Variants in REV3L observed in about 807,000 individuals in gnomAD.
REV3L encodes DNA polymerase zeta catalytic subunit.
REV3L carries 69 observed loss-of-function variants against 299.4 expected under a neutral mutation model. That is an observed-to-expected ratio of 0.23 (90% CI 0.19 to 0.28). REV3L has a LOEUF of 0.28. Ranked by LOEUF, REV3L falls within the 10% of genes least tolerant of loss-of-function variation. The pLI is 1.00. For synonymous variants in REV3L, 1,238 were observed against 1,271.4 expected (o/e 0.97, Z 0.56); for missense variants, 3,128 against 3,693.8 (o/e 0.85, Z 3.97).
chr6:111,367,011 A>C (rs1408394929), intron 14 of REV3L, 104 bp downstream of exon 14: 5 of 959,872 alleles, frequency 5.2e-6, no homozygotes, highest in Middle Eastern at 2.5e-4. Flanking sequence ...TTGCTGAGCT[A>C]TACCTTCATT....
intron 7 of REV3L, 106 bp from the exon 8 acceptor site, chr6:111,388,191 C>T (rs1781533071): frequency 2.9e-6 from 2 of 701,606 alleles, no homozygotes; most frequent in Non-Finnish European, 2.4e-6. Context: ...CTATCTTTCT[C>T]TAGATATACA....
In REV3L at chr6:111,374,128, T is replaced by C. The variant is rs376857060; in HGVS notation, c.4227A>G (p.Ser1409=). The change falls in exon 13 of 32, where the codon TCA becomes TCG. Residue 1409 remains serine, a synonymous_variant. Coordinates refer to ENST00000368802, the MANE Select transcript of REV3L (RefSeq NM_001372078.1). ...KLSEYRNSLE[S]KLDQAYTPNF... ...TAGGGGTATATGCTTGGTCCAGCTT[T>C]GATTCTAGGGAATTGCGATATTCAC... The C allele has an allele frequency of 6.2e-6, 10 of 1,614,076 alleles. No individual in the cohort carries two copies. The African/African-American group carries it at 1.1e-4, about 17-fold the overall frequency.
intron 1 of REV3L, among the ~76,000 whole-genome samples, chr6:111,480,836 TTG>T (rs1461208360): frequency 5.5e-5 from 8 of 146,446 alleles, no homozygotes; most frequent in African/African-American, 1.8e-4. Context: ...TTTTTCGTTT[TTG>T]TTTTTTTTTT....
chr6:111,412,382 C>T (rs557642648), intron 2 of REV3L: 1 of 393,148 alleles, frequency 2.5e-6, no homozygotes, highest in Non-Finnish European at 3.5e-6. Context: ...ACTCTCACAT[C>T]ATTTCAGGAG....
intron 1 of REV3L, among the ~76,000 whole-genome samples, chr6:111,446,441 C>T (rs544332437): frequency 5.9e-5 from 9 of 152,242 alleles, no homozygotes; most frequent in African/African-American, 1.2e-4. Flanking sequence ...GGCTGGCTCA[C>T]GCTTACAATC....
intron 25 of REV3L, 110 bp downstream of exon 25, chr6:111,329,422 C>A: frequency 2.1e-6 from 2 of 934,300 alleles, no homozygotes; most frequent in Non-Finnish European, 1.7e-6. Context: ...GGGCTGAAGA[C>A]CCCCGCACCA....
At chr6:111,456,886 G>C (rs1562340842) in intron 1 of REV3L, among the ~76,000 whole-genome samples, 2 of 152,024 alleles carry the variant, frequency 1.3e-5, no homozygotes, top group African/African-American at 4.8e-5. Flanking sequence ...GAAGAAACCA[G>C]AATAACTCTC....
In REV3L at chr6:111,381,734, C is replaced by A. The variant is rs548169268; in HGVS notation, c.1097-290G>T. ...ACTCTGATAAAAATCACTGCATATT[C>A]AAATATATAAAGTGAAAAGGAAAGA... On this transcript the variant is annotated intron_variant, in intron 9 of 31. Transcript: ENST00000368802. Among the ~76,000 whole-genome samples the A allele has an allele frequency of 4.6e-5, 7 of 151,980 alleles. No individual in the cohort carries two copies. In the South Asian group the frequency reaches 1.5e-3, roughly 32 times the overall value.
At chr6:111,431,367 C>CA (rs1190758718) in intron 1 of REV3L, 8 of 982,152 alleles carry the variant, frequency 8.1e-6, no homozygotes, top group Admixed American at 3.4e-5. Flanking sequence ...TCCAATACTT[C>CA]AAGACAGGCT....
chr6:111,379,870 C>T lies in REV3L; in HGVS notation c.1454+112G>A. The T allele has an allele frequency of 4.1e-6, 3 of 729,360 alleles. No individual in the cohort carries two copies. The South Asian group carries it at 5.3e-5, about 13-fold the overall frequency. The allele number at this position is 729,360 out of a possible 1,614,324, so 45.2% of individuals were successfully genotyped here. On this transcript the variant is annotated intron_variant, in intron 11 of 31. Transcript: ENST00000368802. ...TCACTAAAGGGGAATTTTAAAACAT[C>T]AATTTAGTTCATAAGGTATTTTATA...
intron 2 of REV3L, 139 bp from the exon 3 acceptor site, chr6:111,411,693 A>C: frequency 1.6e-6 from 1 of 628,544 alleles, no homozygotes; most frequent in Non-Finnish European, 2.7e-6. Flanking sequence ...AACAACTAAA[A>C]AATCCCAAAC....
intron 4 of REV3L, among the ~76,000 whole-genome samples, chr6:111,394,706 A>AT (rs35239605): frequency 0.44 from 61,081 of 139,444 alleles, 14,231 homozygotes; most frequent in Non-Finnish European, 0.54. Context: ...CTGTCCTACA[A>AT]TTTTTTTTTT....
At chr6:111,387,691 T>A (rs895245863) in intron 9 of REV3L, 74 bp downstream of exon 9, 27 of 1,411,474 alleles carry the variant, frequency 1.9e-5, no homozygotes, top group Non-Finnish European at 2.5e-5. Flanking sequence ...CCTAGCAAAC[T>A]CAATCAAATA....
Position 111,389,087 on chromosome 6 carries a change from A to G in REV3L, c.862+19T>C, listed in dbSNP as rs1781637292. 1.3e-6 allele frequency: 2 copies of G among 1,528,856 alleles called. No individual in the cohort carries two copies. The highest frequency in any genetic ancestry group is 2.3e-5 in the South Asian group (2 of 87,742). 94.7% of individuals were successfully genotyped at this position (1,528,856 alleles called of 1,614,324 possible). ...ATACTTGATTTAAAAGAATAATCAG[A>G]GCACTATTAGGTTTATACCTTGTGA... On this transcript the variant is annotated intron_variant, in intron 7 of 31. Coordinates refer to ENST00000368802, the MANE Select transcript of REV3L (RefSeq NM_001372078.1).
At chr6:111,331,204 T>C (rs2114828342) in intron 24 of REV3L, 1 of 167,454 alleles carries the variant, frequency 6.0e-6, no homozygotes, top group Middle Eastern at 3.0e-3. Context: ...GGGACCCTAT[T>C]TTTAGTTTGG....
At chr6:111,326,238 A>G (rs552090622) in intron 25 of REV3L, among the ~76,000 whole-genome samples, 4 of 152,326 alleles carry the variant, frequency 2.6e-5, no homozygotes, top group African/African-American at 9.6e-5. Context: ...TACCCATCTA[A>G]CATGGGATTA....
intron 1 of REV3L, chr6:111,430,642 C>T (rs1786789177): frequency 7.9e-6 from 12 of 1,523,330 alleles, no homozygotes; most frequent in Non-Finnish European, 1.1e-5. Flanking sequence ...GGCTGCTGGC[C>T]GAGAAGAGAG....
intron 15 of REV3L, 87 bp from the exon 16 acceptor site, chr6:111,364,065 G>A: frequency 1.3e-6 from 2 of 1,498,626 alleles, no homozygotes; most frequent in East Asian, 4.6e-5. Flanking sequence ...CAGATAATAT[G>A]CTTTATGTGT....
At chr6:111,380,526 T>C (rs972209398) in intron 10 of REV3L, among the ~76,000 whole-genome samples, 5 of 152,196 alleles carry the variant, frequency 3.3e-5, no homozygotes, top group African/African-American at 1.2e-4. Flanking sequence ...CCCAAAGTGC[T>C]GGGATTACAG....
Sources: allele counts gnomAD v4.1 joint callset (sites outside exome capture counted in the v4.1 genomes callset), GRCh38; gene constraint gnomAD v4.1.1; transcripts MANE v1.5; gene names NCBI Gene and HGNC (gene_info 2026-07-23, HGNC 2026-07-21).